The following COMMD10 variants were observed in gnomAD, a reference collection of about 807,000 sequenced individuals.
COMMD10 encodes COMM domain-containing protein 10.
A neutral mutation model predicts 28.9 loss-of-function variants in COMMD10; 33 were observed. The ratio of observed to expected loss-of-function variants is 1.14; its 90% confidence interval spans 0.87 to 1.53. COMMD10 has a LOEUF of 1.53. Among genes scored for constraint, COMMD10 ranks in the 40% most tolerant of loss-of-function variants. The probability of loss-of-function intolerance (pLI) is 0.00; values close to 1 mark genes in which losing one functional copy is unlikely to be tolerated. For synonymous variants in COMMD10, 110 were observed against 81.7 expected (o/e 1.35, Z -1.87); for missense variants, 310 against 233.4 (o/e 1.33, Z -2.14).
chr5:116,290,897 T>C (rs1751343318), intron 5 of COMMD10, among the ~76,000 whole-genome samples: 1 of 152,186 alleles, frequency 6.6e-6, no homozygotes, highest in South Asian at 2.1e-4. Context: ...TACATACATA[T>C]ACAATATTAC....
intron 5 of COMMD10, among the ~76,000 whole-genome samples, chr5:116,248,502 G>A (rs560497221): frequency 4.9e-4 from 75 of 152,086 alleles, no homozygotes; most frequent in African/African-American, 1.7e-3. Context: ...TCTATGCCAG[G>A]TGTGCGAGAC....
intron 5 of COMMD10, among the ~76,000 whole-genome samples, chr5:116,251,358 C>T (rs1381372581): frequency 8.8e-5 from 13 of 147,014 alleles, no homozygotes; most frequent in African/African-American, 1.2e-4. Context: ...TAGTTACATA[C>T]GTATACATGT....
chr5:116,097,346 T>C (rs1403465464), intron 4 of COMMD10, among the ~76,000 whole-genome samples: 3 of 152,228 alleles, frequency 2.0e-5, no homozygotes, highest in African/African-American at 7.2e-5. Context: ...TCAGATGTTA[T>C]AATGAGTTCT....
intron 4 of COMMD10, among the ~76,000 whole-genome samples, chr5:116,108,049 C>T (rs1204781633): frequency 1.3e-5 from 2 of 152,344 alleles, no homozygotes; most frequent in East Asian, 1.9e-4. Context: ...CCTGAAGCTT[C>T]TTTCCAGAGG....
intron 5 of COMMD10, among the ~76,000 whole-genome samples, chr5:116,166,422 A>T (rs72804853): frequency 0.026 from 3,970 of 152,268 alleles, 97 homozygotes; most frequent in East Asian, 0.093. Flanking sequence ...TATTTGCACC[A>T]TGTAATGCAT....
At chr5:116,117,095 A>G (rs1401939320) in intron 4 of COMMD10, among the ~76,000 whole-genome samples, 1 of 152,208 alleles carries the variant, frequency 6.6e-6, no homozygotes, top group Non-Finnish European at 1.5e-5. Context: ...TCATATTATT[A>G]CATTTATTAG....
At position 116,254,377 on chromosome 5, in the gene COMMD10, T is replaced by C. The variant is rs187585572; in HGVS notation, c.511-37140T>C. ...TTTGCCCTTGCTTTTCTAGTTCTTTTAATTGTGATGTTAGGGTGTTAATTT... is the reference window on the plus strand; with the variant it reads ...TTTGCCCTTGCTTTTCTAGTTCTTTCAATTGTGATGTTAGGGTGTTAATTT... On this transcript the variant is annotated intron_variant, in intron 5 of 6. Coordinates refer to ENST00000274458, the MANE Select transcript of COMMD10 (RefSeq NM_016144.4). Among the ~76,000 whole-genome samples the C allele has an allele frequency of 8.5e-5, 13 of 152,150 alleles. No homozygotes were observed. In the East Asian group the frequency reaches 2.3e-3, roughly 27 times the overall value.
At chr5:116,151,074 GT>G in intron 5 of COMMD10, among the ~76,000 whole-genome samples, 1 of 151,764 alleles carries the variant, frequency 6.6e-6, no homozygotes, top group Non-Finnish European at 1.5e-5. Flanking sequence ...ATGAAGCGTT[GT>G]TGAATTTTGT....
In COMMD10 at chr5:116,098,311, A is replaced by C. The variant is rs143695769; in HGVS notation, c.399+5611A>C. ...ACTTATATGATGAAAAAAGGTGTAC[A>C]TGCAATGACTTTAACTGTTTTATGG... is the stretch of plus-strand genomic sequence containing the variant. On this transcript the variant is annotated intron_variant, in intron 4 of 6. Coordinates refer to ENST00000274458, the MANE Select transcript of COMMD10 (RefSeq NM_016144.4). Among the ~76,000 whole-genome samples the C allele has an allele frequency of 6.8e-3, 1,031 of 152,306 alleles. 9 individuals are homozygous for C. The highest frequency in any genetic ancestry group is 0.015 in the Admixed American group (233 of 15,290).
intron 4 of COMMD10, among the ~76,000 whole-genome samples, chr5:116,122,414 G>A (rs1026628429): frequency 7.2e-5 from 11 of 152,312 alleles, no homozygotes; most frequent in South Asian, 6.2e-4. Context: ...GTCCGGTAAC[G>A]TGATGCCTCC....
intron 5 of COMMD10, among the ~76,000 whole-genome samples, chr5:116,173,631 T>G (rs1753407477): frequency 6.6e-6 from 1 of 152,258 alleles, no homozygotes; most frequent in East Asian, 1.9e-4. Context: ...CCTCTTCAGC[T>G]ATGATCTGAA....
intron 4 of COMMD10, among the ~76,000 whole-genome samples, chr5:116,095,305 T>C (rs1454075308): frequency 3.9e-5 from 6 of 152,088 alleles, no homozygotes. Flanking sequence ...TGCAAAAATA[T>C]TATGTATTGA....
intron 5 of COMMD10, among the ~76,000 whole-genome samples, chr5:116,184,127 C>T (rs1206109037): frequency 1.3e-5 from 2 of 151,882 alleles, no homozygotes; most frequent in Non-Finnish European, 2.9e-5. Flanking sequence ...ATAGATCTCA[C>T]ATTGTTTCTG....
At chr5:116,169,747 A>T (rs1377870927) in intron 5 of COMMD10, among the ~76,000 whole-genome samples, 1 of 152,206 alleles carries the variant, frequency 6.6e-6, no homozygotes, top group African/African-American at 2.4e-5. Flanking sequence ...CCACATTATT[A>T]TCTCAATAGA....
At position 116,087,535 on chromosome 5, in the gene COMMD10, C is replaced by T. The variant is rs74348140; in HGVS notation, c.80C>T (p.Thr27Ile). The T allele has an allele frequency of 1.2e-6, 2 of 1,612,630 alleles. No homozygotes were observed. Among genetic ancestry groups the T allele is most frequent in the East Asian group, 2.2e-5 (1 of 44,858 alleles). ...KAVSLINAID[T>I]GRFPRLLTRI... Reference sequence around the variant, plus strand: ...GTGTCACTGATAAATGCAATAGATACAGGAAGATTTCCACGGTTGCTCACT... The same window carrying T: ...GTGTCACTGATAAATGCAATAGATATAGGAAGATTTCCACGGTTGCTCACT... The change falls in exon 2 of 7, where the codon ACA becomes ATA. Residue 27 changes from threonine to isoleucine, a missense_variant. Transcript: ENST00000274458.
chr5:116,190,910 T>G (rs1487557163), intron 5 of COMMD10, among the ~76,000 whole-genome samples: 2 of 152,310 alleles, frequency 1.3e-5, no homozygotes, highest in Non-Finnish European at 2.9e-5. Context: ...AAAATATGTA[T>G]TTTTAAAAGT....
intron 5 of COMMD10, among the ~76,000 whole-genome samples, chr5:116,159,561 G>A (rs140487307): frequency 2.0e-5 from 3 of 152,314 alleles, no homozygotes; most frequent in African/African-American, 4.8e-5. Context: ...GACAAAGTCA[G>A]TGATGTGAGA....
chr5:116,100,153 GA>G (rs752565750), intron 4 of COMMD10, among the ~76,000 whole-genome samples: 1 of 152,046 alleles, frequency 6.6e-6, no homozygotes, highest in Admixed American at 6.6e-5. Context: ...TATCATGTTG[GA>G]GTTCAAAGAG....
chr5:116,100,995 T>G (rs1170991207), intron 4 of COMMD10, among the ~76,000 whole-genome samples: 1 of 152,242 alleles, frequency 6.6e-6, no homozygotes, highest in Non-Finnish European at 1.5e-5. Context: ...TATGCAGTAT[T>G]TGTCTTTCTG....
Sources: allele counts gnomAD v4.1 joint callset (sites outside exome capture counted in the v4.1 genomes callset), GRCh38; gene constraint gnomAD v4.1.1; transcripts MANE v1.5; gene names NCBI Gene and HGNC (gene_info 2026-07-23, HGNC 2026-07-21).